The following ZNF462 variants were observed in gnomAD, a reference collection of about 807,000 sequenced individuals.
ZNF462 encodes zinc finger PBX1-interacting protein.
A neutral mutation model predicts 201.9 loss-of-function variants in ZNF462; 10 were observed. The observed-to-expected ratio is 0.05, with a 90% CI of 0.03 to 0.08. The LOEUF is 0.08. Among genes scored for constraint, ZNF462 ranks in the 10% least tolerant of loss-of-function variants. The pLI, the probability that ZNF462 is intolerant of heterozygous loss-of-function variation, is 1.00. For synonymous variants in ZNF462, 1,227 were observed against 1,193.3 expected, an observed-to-expected ratio of 1.03 and a Z score of -0.58; for missense variants, 2,523 against 3,168.3, an observed-to-expected ratio of 0.80 and a Z score of 4.89.
At chr9:106,973,689 A>G (rs975186077) in intron 8 of ZNF462, among the ~76,000 whole-genome samples, 1 of 151,720 alleles carries the variant, frequency 6.6e-6, no homozygotes, top group African/African-American at 2.4e-5. Flanking sequence ...ATCAATCATG[A>G]TGATTGACTT....
At chr9:106,874,867 C>G (rs1208529595) in intron 1 of ZNF462, among the ~76,000 whole-genome samples, 1 of 152,184 alleles carries the variant, frequency 6.6e-6, no homozygotes, top group South Asian at 2.1e-4. Context: ...TCTTTTCTGA[C>G]CAGTGGCTGT....
rs1280217997 is a variant in ZNF462, at chr9:106,890,785, G to A, written c.-31+27430G>A. Among the ~76,000 whole-genome samples, 2 of 152,150 alleles carry A rather than the reference G, an allele frequency of 1.3e-5. No individual in the cohort carries two copies. Among genetic ancestry groups the A allele is most frequent in the Non-Finnish European group, 2.9e-5 (2 of 68,038 alleles). On this transcript the variant is annotated intron_variant, in intron 1 of 12. Coordinates refer to ENST00000277225, the MANE Select transcript of ZNF462 (RefSeq NM_021224.6). The surrounding 1 kb of genome is among the most constrained non-coding windows in gnomAD (Gnocchi z 4.2). ...AATATTGCATCGTAGGGAGTGCATA[G>A]TAGACTATGTTGTTCAATTATCATG...
At position 106,925,032 on chromosome 9, in the gene ZNF462, TCTG is replaced by T. The variant is rs1381743197; in HGVS notation, c.1124_1126del (p.Ala375del). 17 of 1,614,102 alleles carry T rather than the reference TCTG, an allele frequency of 1.1e-5. No individual in the cohort carries two copies. The highest frequency in any genetic ancestry group is 1.7e-5 in the Admixed American group (1 of 60,006). On this transcript the variant is annotated inframe_deletion, in exon 3 of 13. Transcript: ENST00000277225. The surrounding 1 kb of genome is among the most constrained non-coding windows in gnomAD (Gnocchi z 7.9). ...TGGAATGACTGACATGACCAATTCT[TCTG>T]CTGACCTGGAAACTAACAGCATGCT...
chr9:106,919,278 A>G lies in ZNF462; in HGVS notation c.-30-4076A>G, dbSNP rs556732260. Among the ~76,000 whole-genome samples, 4 of 152,290 alleles carry G rather than the reference A, an allele frequency of 2.6e-5. No homozygotes were observed. The East Asian group carries it at 7.7e-4, about 29-fold the overall frequency. On this transcript the variant is annotated intron_variant, in intron 1 of 12. Transcript: ENST00000277225. The surrounding 1 kb of genome is among the most constrained non-coding windows in gnomAD (Gnocchi z 4.5). ...GGCGGGCCTGTAAGAATGCTGTACA[A>G]TGTCAACACCTCCCCGCTCCGGTTA...
intron 1 of ZNF462, among the ~76,000 whole-genome samples, chr9:106,887,863 A>G (rs1023869153): frequency 6.6e-6 from 1 of 152,206 alleles, no homozygotes; most frequent in Non-Finnish European, 1.5e-5. Flanking sequence ...GACTGATAAT[A>G]AATTTTCTCG....
Position 106,966,692 on chromosome 9 carries a change from C to T in ZNF462, c.6428-5313C>T, listed in dbSNP as rs919526240. Among the ~76,000 whole-genome samples the T allele has an allele frequency of 1.3e-5, 2 of 152,116 alleles. No homozygotes were observed. Among genetic ancestry groups the T allele is most frequent in the Admixed American group, 6.6e-5 (1 of 15,254 alleles). ...GTCTTACTGTCCCAGAACAGGGTCT[C>T]CTATTTACTTAAATGCTCAGTAAAT... On this transcript the variant is annotated intron_variant, in intron 7 of 12. Coordinates refer to ENST00000277225, the MANE Select transcript of ZNF462 (RefSeq NM_021224.6). The surrounding 1 kb of genome is among the most constrained non-coding windows in gnomAD (Gnocchi z 4.4).
chr9:106,926,130 A>C lies in ZNF462; in HGVS notation c.2218A>C (p.Arg740=). The change falls in exon 3 of 13, where the codon AGG becomes CGG. Residue 740 remains arginine, a synonymous_variant. Transcript: ENST00000277225. This position sits in a 1 kb window ranked among gnomAD's most constrained non-coding sequence, Gnocchi z 7.9. ...NEVEIEVELD[R]EEEPTEPIIE... ...AGTCGAGATAGAGGTTGAGTTGGAC[A>C]GGGAGGAAGAACCGACAGAACCCAT... The C allele has an allele frequency of 5.0e-6, 8 of 1,614,234 alleles. No homozygotes were observed. The highest frequency in any genetic ancestry group is 6.8e-6 in the Non-Finnish European group (8 of 1,180,050).
At position 106,865,045 on chromosome 9, in the gene ZNF462, CCTT is replaced by C. The variant is rs1351492995; in HGVS notation, c.-31+1693_-31+1695del. On this transcript the variant is annotated intron_variant, in intron 1 of 12. Transcript: ENST00000277225. The surrounding 1 kb of genome is among the most constrained non-coding windows in gnomAD (Gnocchi z 4.1). ...GGAGGAGGAGGCTTGCTTGCCTACT[CCTT>C]CTCTCTTTCCAGAGGGAAACCTTGT... is the stretch of plus-strand genomic sequence containing the variant. Among the ~76,000 whole-genome samples the C allele has an allele frequency of 1.3e-5, 2 of 152,102 alleles. 1 individual carries two copies. Among genetic ancestry groups the C allele is most frequent in the East Asian group, 3.9e-4 (2 of 5,182 alleles).
At chr9:106,985,239 C>T (rs558244755) in intron 10 of ZNF462, among the ~76,000 whole-genome samples, 10 of 152,328 alleles carry the variant, frequency 6.6e-5, no homozygotes, top group African/African-American at 2.2e-4. Context: ...CTGTGTTCCT[C>T]AATCGTGTAG....
chr9:107,009,798 A>G lies in ZNF462; in HGVS notation c.7313+130A>G. 1.5e-6 allele frequency: 2 copies of G among 1,349,042 alleles called. No homozygotes were observed. The highest frequency in any genetic ancestry group is 3.0e-5 in the South Asian group (2 of 66,826). 83.6% of individuals were successfully genotyped at this position (1,349,042 alleles called of 1,614,324 possible). ...TCACATTTCTGGGCCGTGGGAGGAG[A>G]GGCAATGGTGAGGAACCAAGTTTCT... On this transcript the variant is annotated intron_variant, in intron 12 of 12. Transcript: ENST00000277225. The surrounding 1 kb of genome is among the most constrained non-coding windows in gnomAD (Gnocchi z 6.1).
Position 106,927,502 on chromosome 9 carries a change from A to G in ZNF462, c.3590A>G (p.His1197Arg). 2 of 1,613,472 alleles carry G rather than the reference A, an allele frequency of 1.2e-6. No individual in the cohort carries two copies. Among genetic ancestry groups the G allele is most frequent in the South Asian group, 1.1e-5 (1 of 91,038 alleles). ...GAGAATGAGATGTTCTTTTGCCAGC[A>G]CTGTGATTATGGGAACCGGACGGTC... The part of the protein sequence containing the change: ...PVENEMFFCQ[H>R]CDYGNRTVKG... Residue 1197 changes from histidine (H) to arginine (R), a missense_variant, in exon 3 of 13, where the codon CAC (histidine) becomes CGC (arginine). Coordinates refer to ENST00000277225, the MANE Select transcript of ZNF462 (RefSeq NM_021224.6).
chr9:106,923,512 G>C lies in ZNF462; in HGVS notation c.129G>C (p.Glu43Asp). 1 of 1,614,220 alleles carries C rather than the reference G, an allele frequency of 6.2e-7. No individual in the cohort carries two copies. Among genetic ancestry groups the C allele is most frequent in the Non-Finnish European group, 8.5e-7 (1 of 1,180,050 alleles). The change falls in exon 2 of 13, where the codon GAG (glutamate) becomes GAC (aspartate). Residue 43 changes from glutamate to aspartate, a missense_variant. By Grantham distance (45) the Glu-to-Asp change is conservative. Coordinates refer to ENST00000277225, the MANE Select transcript of ZNF462 (RefSeq NM_021224.6). This position sits in a 1 kb window ranked among gnomAD's most constrained non-coding sequence, Gnocchi z 5.6. ...PTDVAEDNVNELRCGSVNASN... is the reference protein window; with the variant it reads ...PTDVAEDNVNDLRCGSVNASN... ...ATGTTGCTGAGGACAATGTGAATGA[G>C]CTACGATGTGGGTCCGTGAATGCCA... is the stretch of plus-strand genomic sequence containing the variant.
Position 106,938,775 on chromosome 9 carries a change from C to T in ZNF462, c.6236-141C>T. The T allele has an allele frequency of 1.2e-6, 1 of 803,764 alleles. No individual in the cohort carries two copies. The highest frequency in any genetic ancestry group is 1.9e-6 in the Non-Finnish European group (1 of 524,646). The allele number at this position is 803,764 out of a possible 1,614,324, so 49.8% of individuals were successfully genotyped here. ...ACTGTGGTTGTGGCAGGTTGTTGGTCTGTGAGGTTCGTTCATAGAACATGA... is the reference window on the plus strand; with the variant it reads ...ACTGTGGTTGTGGCAGGTTGTTGGTTTGTGAGGTTCGTTCATAGAACATGA... On this transcript the variant is annotated intron_variant, in intron 6 of 12. Coordinates refer to ENST00000277225, the MANE Select transcript of ZNF462 (RefSeq NM_021224.6). The surrounding 1 kb of genome is among the most constrained non-coding windows in gnomAD (Gnocchi z 4.4).
rs1263184994 is a variant in ZNF462, at chr9:107,005,465, T to TG, written c.7189+2040dup. Among the ~76,000 whole-genome samples the TG allele has an allele frequency of 6.6e-6, 1 of 152,184 alleles. No homozygotes were observed. Among genetic ancestry groups the TG allele is most frequent in the Non-Finnish European group, 1.5e-5 (1 of 68,028 alleles). Reference sequence around the variant, plus strand: ...TTTGCATTTCCCTGATGATTAGTGATGTTGAACATTTTTTCATATGCCTGC... The same window carrying TG: ...TTTGCATTTCCCTGATGATTAGTGATGGTTGAACATTTTTTCATATGCCTGC... On this transcript the variant is annotated intron_variant, in intron 11 of 12. Transcript: ENST00000277225. This position sits in a 1 kb window ranked among gnomAD's most constrained non-coding sequence, Gnocchi z 4.4.
rs202107944 is a variant in ZNF462, at chr9:106,928,451, C to T, written c.4539C>T (p.Ala1513=). The T allele has an allele frequency of 5.4e-5, 87 of 1,614,112 alleles. No homozygotes were observed. In the East Asian group the frequency reaches 1.0e-3, roughly 19 times the overall value. The change falls in exon 3 of 13, where the codon GCC becomes GCT. Residue 1513 remains alanine, a synonymous_variant. Transcript: ENST00000277225. The surrounding 1 kb of genome is among the most constrained non-coding windows in gnomAD (Gnocchi z 9.3). ...FAQDIDINPG[A]VYKCRHCPYI... ...AGGACATTGACATCAACCCAGGTGC[C>T]GTCTACAAATGCAGGCATTGCCCAT...
intron 1 of ZNF462, among the ~76,000 whole-genome samples, chr9:106,900,302 G>A (rs531208597): frequency 4.0e-5 from 6 of 149,670 alleles, no homozygotes; most frequent in South Asian, 2.1e-4. Context: ...ATCTGGGTTG[G>A]TTCCAAGATT....
chr9:107,003,048 C>G lies in ZNF462; in HGVS notation c.7057-246C>G, dbSNP rs1348662520. ...GCGTACTATAGCTCATGTTTCTTCACAAGTTTGGTAATGAAGGTCCGGTGT... is the reference window on the plus strand; with the variant it reads ...GCGTACTATAGCTCATGTTTCTTCAGAAGTTTGGTAATGAAGGTCCGGTGT... On this transcript the variant is annotated intron_variant, in intron 10 of 12. Coordinates refer to ENST00000277225, the MANE Select transcript of ZNF462 (RefSeq NM_021224.6). This position sits in a 1 kb window ranked among gnomAD's most constrained non-coding sequence, Gnocchi z 4.4. Among the ~76,000 whole-genome samples, 1 of 152,158 alleles carries G rather than the reference C, an allele frequency of 6.6e-6. No individual in the cohort carries two copies. The highest frequency in any genetic ancestry group is 2.4e-5 in the African/African-American group (1 of 41,430).
chr9:106,926,876 G>C lies in ZNF462; in HGVS notation c.2964G>C (p.Met988Ile). The change falls in exon 3 of 13, where the codon ATG becomes ATC. Residue 988 changes from methionine (M) to isoleucine (I), a missense_variant. Physicochemically the swap from Met to Ile is conservative, Grantham distance 10 (BLOSUM62 1). Around this residue, in one of 15 missense-constraint regions of ZNF462, gnomAD observed 280 missense variants for 321.3 expected, o/e 0.87. Transcript: ENST00000277225. The surrounding 1 kb of genome is among the most constrained non-coding windows in gnomAD (Gnocchi z 7.9). ...TTCTGAATTCGGCTCCCAAGAACAT[G>C]GCGACTTCCACACCTGTGGCTCGTG... ...REILNSAPKN[M>I]ATSTPVARGG... 6.2e-7 allele frequency: 1 copy of C among 1,614,120 alleles called. No individual in the cohort carries two copies. The highest frequency in any genetic ancestry group is 1.1e-5 in the South Asian group (1 of 91,066).
chr9:107,003,460 G>A lies in ZNF462; in HGVS notation c.7189+34G>A, dbSNP rs1588199749. The A allele has an allele frequency of 6.2e-7, 1 of 1,610,236 alleles. No individual in the cohort carries two copies. Among genetic ancestry groups the A allele is most frequent in the Non-Finnish European group, 8.5e-7 (1 of 1,178,488 alleles). The stretch of plus-strand genomic sequence containing the variant: ...CATCCTGCCCTCCCAATCCCAGATG[G>A]CATCTGGCATGTCCGTAGTGAGACA... On this transcript the variant is annotated intron_variant, in intron 11 of 12. Coordinates refer to ENST00000277225, the MANE Select transcript of ZNF462 (RefSeq NM_021224.6). The surrounding 1 kb of genome is among the most constrained non-coding windows in gnomAD (Gnocchi z 4.4).
Sources: gnomAD v4.1 joint callset for allele counts (sites outside exome capture counted in the v4.1 genomes callset) on GRCh38, gnomAD v4.1.1 for gene constraint, gnomAD v4.1.1 regional missense constraint, Gnocchi (gnomAD v3.1) non-coding constraint, MANE v1.5 for transcripts, NCBI Gene and HGNC (gene_info 2026-07-23, HGNC 2026-07-21) for gene names.